RBFOX1: variants seen among roughly 807,000 people sequenced by gnomAD.
The protein encoded by RBFOX1 is RNA binding fox-1 homolog 1.
In RBFOX1, 8 loss-of-function variants were observed where a neutral mutation model predicts 57.7. That is an observed-to-expected ratio of 0.14 (90% CI 0.08 to 0.25). RBFOX1 has a LOEUF of 0.25. RBFOX1 is among the 10% of genes least tolerant of loss of function. The pLI, the probability that RBFOX1 is intolerant of heterozygous loss-of-function variation, is 1.00. For synonymous variants in RBFOX1, 326 were observed against 222.4 expected, an observed-to-expected ratio of 1.47 and a Z score of -4.15; for missense variants, 611 against 548.5, an observed-to-expected ratio of 1.11 and a Z score of -1.14.
At chr16:7,595,829 T>C (rs2094657927) in intron 8 of RBFOX1, among the ~76,000 whole-genome samples, 188 bp downstream of exon 8, 1 of 150,034 alleles carries the variant, frequency 6.7e-6, no homozygotes, top group Non-Finnish European at 1.5e-5. Context: ...TTTTACTTTA[T>C]TATGTTACTC....
At chr16:7,070,225 A>G (rs951287711) in intron 4 of RBFOX1, among the ~76,000 whole-genome samples, 13 of 152,198 alleles carry the variant, frequency 8.5e-5, no homozygotes, top group African/African-American at 2.7e-4. Context: ...TGTCTTGCTC[A>G]CATATGAGGA....
At chr16:6,510,968 C>T (rs535332270) in intron 2 of RBFOX1, among the ~76,000 whole-genome samples, 1 of 152,262 alleles carries the variant, frequency 6.6e-6, no homozygotes, top group East Asian at 1.9e-4. Context: ...TGTGCTGCTT[C>T]TGTCTCCCAC....
intron 3 of RBFOX1, among the ~76,000 whole-genome samples, chr16:5,615,570 G>A (rs1001692805): frequency 1.3e-5 from 2 of 152,214 alleles, no homozygotes; most frequent in African/African-American, 4.8e-5. Context: ...TGAAGATGTG[G>A]TGGGAGTCCC....
At chr16:7,100,666 A>G (rs201796695) in intron 4 of RBFOX1, among the ~76,000 whole-genome samples, 1 of 151,618 alleles carries the variant, frequency 6.6e-6, no homozygotes, top group Non-Finnish European at 1.5e-5. Flanking sequence ...CCTGTGATAA[A>G]TATTAATGAA....
intron 1 of RBFOX1, among the ~76,000 whole-genome samples, chr16:5,247,061 C>T (rs957643828): frequency 3.3e-5 from 5 of 152,192 alleles, no homozygotes; most frequent in Admixed American, 6.5e-5. Flanking sequence ...GTAATATCCT[C>T]CAGGCTCATC....
chr16:5,855,994 TTTG>T, intron 3 of RBFOX1, among the ~76,000 whole-genome samples: 1 of 146,588 alleles, frequency 6.8e-6, no homozygotes, highest in African/African-American at 2.5e-5. Flanking sequence ...TTTTTTTTTT[TTTG>T]CTATCGTCAA....
intron 1 of RBFOX1, among the ~76,000 whole-genome samples, chr16:5,354,293 CT>C (rs1268022019): frequency 2.6e-5 from 4 of 152,174 alleles, no homozygotes; most frequent in Non-Finnish European, 4.4e-5. Context: ...GGTTGGACCA[CT>C]TTTTTTTCTC....
intron 4 of RBFOX1, among the ~76,000 whole-genome samples, chr16:7,099,935 G>A (rs1188808019): frequency 6.6e-6 from 1 of 152,008 alleles, no homozygotes; most frequent in Non-Finnish European, 1.5e-5. Context: ...TTGTGTTGAT[G>A]GTAATGGTGG....
In RBFOX1 at chr16:7,710,843, CTAAAAAAAAAAAAAATACAAA is replaced by C; in HGVS notation, c.*105_*125del. 5.3e-6 allele frequency: 4 copies of C among 759,038 alleles called. No individual in the cohort carries two copies. Among genetic ancestry groups the C allele is most frequent in the Non-Finnish European group, 6.7e-6 (4 of 598,562 alleles). The allele number at this position is 759,038 out of a possible 1,614,324, so 47.0% of individuals were successfully genotyped here. ...GCAGTAGTACATCATTTTAGCAACT[CTAAAAAAAAAAAAAATACAAA>C]TAAAAAGGAAAAAAAATTACATTTT... is the stretch of plus-strand genomic sequence containing the variant. On this transcript the variant is annotated 3_prime_UTR_variant, in exon 16 of 16. Transcript: ENST00000550418.
At chr16:5,970,615 G>A (rs1452919890) in intron 4 of RBFOX1, among the ~76,000 whole-genome samples, 1 of 152,152 alleles carries the variant, frequency 6.6e-6, no homozygotes, top group Non-Finnish European at 1.5e-5. Context: ...CAGACTGTGG[G>A]CCGACCAAGT....
At chr16:5,764,782 A>G (rs1404715520) in intron 3 of RBFOX1, among the ~76,000 whole-genome samples, 2 of 138,716 alleles carry the variant, frequency 1.4e-5, no homozygotes, top group Non-Finnish European at 3.1e-5. Flanking sequence ...CCTACCTGTC[A>G]TTATAACCAT....
chr16:6,539,502 A>G (rs1231521909), intron 2 of RBFOX1, among the ~76,000 whole-genome samples: 2 of 152,052 alleles, frequency 1.3e-5, no homozygotes, highest in Non-Finnish European at 1.5e-5. Flanking sequence ...TACTTCTTTA[A>G]AACACACACG....
intron 3 of RBFOX1, among the ~76,000 whole-genome samples, chr16:6,761,286 C>A (rs140518906): frequency 6.6e-6 from 1 of 152,258 alleles, no homozygotes; most frequent in East Asian, 1.9e-4. Flanking sequence ...ATTCAGAGAA[C>A]TGACACTTGG....
At chr16:7,661,475 C>T (rs1568337703) in intron 12 of RBFOX1, among the ~76,000 whole-genome samples, 1 of 152,180 alleles carries the variant, frequency 6.6e-6, no homozygotes, top group African/African-American at 2.4e-5. Flanking sequence ...TCTACCGAGC[C>T]AAGGCTTTGA....
chr16:7,148,676 C>T (rs1030270310), intron 4 of RBFOX1, among the ~76,000 whole-genome samples: 37 of 152,220 alleles, frequency 2.4e-4, no homozygotes, highest in Admixed American at 1.2e-3. Flanking sequence ...ATAGATGTGC[C>T]GCTCTACTCT....
chr16:6,295,683 T>A (rs1342584373), intron 1 of RBFOX1, among the ~76,000 whole-genome samples: 1 of 152,178 alleles, frequency 6.6e-6, no homozygotes, highest in East Asian at 1.9e-4. Context: ...AAGCTGGTGA[T>A]CCAGTGTGTG....
chr16:7,699,438 C>T (rs1163042456), intron 14 of RBFOX1, among the ~76,000 whole-genome samples: 1 of 152,186 alleles, frequency 6.6e-6, no homozygotes, highest in Non-Finnish European at 1.5e-5. Flanking sequence ...GCCATCCTGC[C>T]CCTTTGGCCT....
At position 7,683,578 on chromosome 16, in the gene RBFOX1, T is replaced by C. The variant is rs189519081; in HGVS notation, c.995+6740T>C. Among the ~76,000 whole-genome samples the C allele has an allele frequency of 1.5e-3, 232 of 151,980 alleles. 4 individuals are homozygous for C. The highest frequency in any genetic ancestry group is 5.4e-3 in the African/African-American group (222 of 41,392). ...ACAGACCGTAGCTGTCACAGCCACGTGGGTAGACACTTTTGCCAGTGACAA... is the reference window on the plus strand; with the variant it reads ...ACAGACCGTAGCTGTCACAGCCACGCGGGTAGACACTTTTGCCAGTGACAA... On this transcript the variant is annotated intron_variant, in intron 14 of 15. Transcript: ENST00000550418.
intron 4 of RBFOX1, among the ~76,000 whole-genome samples, chr16:5,876,870 A>G (rs2151911574): frequency 6.6e-6 from 1 of 152,290 alleles, no homozygotes; most frequent in East Asian, 1.9e-4. Flanking sequence ...TGTTTTATCA[A>G]TGGCAAAAGG....
Sources: allele counts gnomAD v4.1 joint callset (sites outside exome capture counted in the v4.1 genomes callset), GRCh38; gene constraint gnomAD v4.1.1; transcripts MANE v1.5; gene names NCBI Gene and HGNC (gene_info 2026-07-23, HGNC 2026-07-21).